Variants in CCP110 observed in about 807,000 individuals in gnomAD.
CCP110 encodes the protein centriolar coiled-coil protein of 110 kDa.
A neutral mutation model predicts 105.5 loss-of-function variants in CCP110; 43 were observed. That is an observed-to-expected ratio of 0.41 (90% CI 0.32 to 0.53). The LOEUF is 0.53. Ranked by LOEUF, CCP110 falls within the 20% of genes least tolerant of loss-of-function variation. The probability of loss-of-function intolerance (pLI) is 0.32; values close to 1 mark genes in which losing one functional copy is unlikely to be tolerated. For synonymous variants in CCP110, 353 were observed against 392.1 expected (o/e 0.90, Z 1.18); for missense variants, 1,016 against 1,189.1 (o/e 0.85, Z 2.14).
intron 1 of CCP110, chr16:19,526,491 G>A (rs922698309): frequency 6.6e-6 from 1 of 152,092 alleles, no homozygotes; most frequent in Non-Finnish European, 1.5e-5. Context: ...ATAAATAAAA[G>A]CTTGTAAAAT....
chr16:19,528,388 A>G (rs1895825821), intron 2 of CCP110, among the ~76,000 whole-genome samples: 1 of 152,248 alleles, frequency 6.6e-6, no homozygotes. Context: ...GTACAAAGTT[A>G]CATTAGCATT....
intron 1 of CCP110, chr16:19,526,514 A>ACT (rs1969679092): frequency 1.3e-5 from 2 of 152,334 alleles, no homozygotes; most frequent in African/African-American, 4.8e-5. Context: ...TCTCACTCAC[A>ACT]CTGTAGAGAA....
At chr16:19,539,218 C>G (rs1399549017) in intron 4 of CCP110, among the ~76,000 whole-genome samples, 2 of 151,802 alleles carry the variant, frequency 1.3e-5, no homozygotes, top group African/African-American at 4.8e-5. Context: ...CGTTTTTCTC[C>G]TTCATTACCC....
chr16:19,546,406 T>A lies in CCP110; in HGVS notation c.2778-6T>A, dbSNP rs113775343. On this transcript the variant is annotated splice_region_variant and splice_polypyrimidine_tract_variant and intron_variant, in intron 11 of 14. Coordinates refer to ENST00000381396, the Ensembl canonical transcript of CCP110. Reference sequence around the variant, plus strand: ...ACATTATGTCCTTATTTTTATATTGTGTTAGAGCTGCTGAAATGGGAATGC... The same window carrying A: ...ACATTATGTCCTTATTTTTATATTGAGTTAGAGCTGCTGAAATGGGAATGC... 1 of 1,511,382 alleles carries A rather than the reference T, an allele frequency of 6.6e-7. No homozygotes were observed. Among genetic ancestry groups the A allele is most frequent in the Non-Finnish European group, 9.2e-7 (1 of 1,087,948 alleles). The allele number at this position is 1,511,382 out of a possible 1,614,324, so 93.6% of individuals were successfully genotyped here.
intron 2 of CCP110, among the ~76,000 whole-genome samples, chr16:19,530,126 G>A (rs1181563596): frequency 6.6e-6 from 1 of 152,096 alleles, no homozygotes; most frequent in African/African-American, 2.4e-5. Context: ...GAGCCCGGGA[G>A]GCTGAGGCTG....
Position 19,551,105 on chromosome 16 carries a change from CAG to C in CCP110, c.2987-90_2987-89del, listed in dbSNP as rs1004404751. On this transcript the variant is annotated intron_variant, in intron 14 of 14. Coordinates refer to ENST00000381396, the Ensembl canonical transcript of CCP110. ...ATATGATAATGTATATTGCCTAGCT[CAG>C]TGTTTGTTCCAGAGTAAAAACTCAT... The C allele has an allele frequency of 1.1e-4, 83 of 785,102 alleles. No homozygotes were observed. The African/African-American group carries it at 1.3e-3, about 12-fold the overall frequency. The allele number at this position is 785,102 out of a possible 1,614,324, so 48.6% of individuals were successfully genotyped here. A position where few individuals can be genotyped will look rare whatever the true frequency, so the allele number is the denominator to read the frequency against.
At chr16:19,543,499 A>G (rs964325589) in intron 8 of CCP110, among the ~76,000 whole-genome samples, 22 of 152,180 alleles carry the variant, frequency 1.4e-4, no homozygotes, top group African/African-American at 4.8e-4. Flanking sequence ...GTGCAACTTG[A>G]AAAAGAACAG....
chr16:19,551,258 A>G, exon 15 of CCP110: 1 of 1,606,840 alleles, frequency 6.2e-7, no homozygotes, highest in Non-Finnish European at 8.5e-7. Flanking sequence ...AGAAGACAAC[A>G]TTCATTAGGA....
At chr16:19,532,597 T>C in intron 3 of CCP110, 53 bp downstream of exon 3, 1 of 1,437,832 alleles carries the variant, frequency 7.0e-7, no homozygotes, top group Non-Finnish European at 9.4e-7. Flanking sequence ...AGATAAGCGT[T>C]GATGATAATT....
exon 4 of CCP110, chr16:19,537,324 C>T (rs754666121): frequency 1.2e-6 from 2 of 1,614,166 alleles, no homozygotes; most frequent in Non-Finnish European, 1.7e-6. Context: ...AACCCTTCTC[C>T]TTTATTGATG....
At chr16:19,538,302 CTTTTTTTTTTTTTTTTTTTT>C (rs1164690143) in intron 4 of CCP110, among the ~76,000 whole-genome samples, 1 of 55,246 alleles carries the variant, frequency 1.8e-5, no homozygotes, top group Admixed American at 2.4e-4. Context: ...GGAAACAGTT[CTTTTTTTTTTTTTTTTTTTT>C]TTTTTTTTGA....
intron 1 of CCP110, among the ~76,000 whole-genome samples, chr16:19,527,344 C>T (rs1362839854): frequency 1.4e-5 from 2 of 144,102 alleles, no homozygotes; most frequent in Non-Finnish European, 3.0e-5. Context: ...GTTTGGGCAA[C>T]ATAGTGAGAC....
intron 1 of CCP110, chr16:19,527,003 A>G (rs1038500954): frequency 2.6e-5 from 4 of 152,192 alleles, no homozygotes; most frequent in Admixed American, 6.5e-5. Context: ...CAAATAAGCA[A>G]TCAACATTTA....
intron 2 of CCP110, among the ~76,000 whole-genome samples, chr16:19,531,523 A>C (rs1201713835): frequency 6.6e-6 from 1 of 152,228 alleles, no homozygotes; most frequent in Non-Finnish European, 1.5e-5. Context: ...AGGTGAAAGA[A>C]AAGATGTATT....
intron 4 of CCP110, among the ~76,000 whole-genome samples, chr16:19,540,375 A>G (rs541985361): frequency 6.6e-6 from 1 of 152,374 alleles, no homozygotes; most frequent in South Asian, 2.1e-4. Flanking sequence ...AAGTAGAGTC[A>G]GGAGAATCTT....
intron 2 of CCP110, among the ~76,000 whole-genome samples, chr16:19,531,169 C>T (rs1969853793): frequency 6.6e-6 from 1 of 152,192 alleles, no homozygotes; most frequent in Non-Finnish European, 1.5e-5. Context: ...TATTTATCAG[C>T]TATTTGATAA....
exon 11 of CCP110, chr16:19,545,836 G>T (rs1265139140): frequency 1.9e-6 from 3 of 1,606,588 alleles, no homozygotes; most frequent in Admixed American, 3.3e-5. Context: ...AAAAGTCCAC[G>T]AGTGGCTCTT....
chr16:19,541,220 G>C (rs1970264715), intron 5 of CCP110, among the ~76,000 whole-genome samples: 1 of 150,720 alleles, frequency 6.6e-6, no homozygotes, highest in Non-Finnish European at 1.5e-5. Context: ...CCTTTGTCTA[G>C]CCACTGCACT....
chr16:19,527,177 G>A (rs572992897), intron 1 of CCP110: 2 of 152,154 alleles, frequency 1.3e-5, no homozygotes, highest in South Asian at 2.1e-4. Context: ...AGAGCCAATC[G>A]ATTTGCTCTT....
Sources: gnomAD v4.1 joint callset for allele counts (sites outside exome capture counted in the v4.1 genomes callset) on GRCh38, gnomAD v4.1.1 for gene constraint, MANE v1.5 for transcripts, NCBI Gene and HGNC (gene_info 2026-07-23, HGNC 2026-07-21) for gene names.